GASK1B: variants seen among roughly 807,000 people sequenced by gnomAD.
GASK1B encodes Golgi-associated kinase 1B.
GASK1B carries 34 observed loss-of-function variants against 42.8 expected under a neutral mutation model. That is an observed-to-expected ratio of 0.79 (90% confidence interval 0.60 to 1.06). The LOEUF is 1.06. GASK1B is among the 50% of genes least tolerant of loss of function. GASK1B has a pLI of 0.00. For missense variants in GASK1B, 686 were observed against 661.0 expected (o/e 1.04, Z -0.42); for synonymous variants, 262 against 259.1 (o/e 1.01, Z -0.11).
At chr4:158,165,966 T>G (rs1358555371) in intron 2 of GASK1B, among the ~76,000 whole-genome samples, 1 of 152,222 alleles carries the variant, frequency 6.6e-6, no homozygotes, top group Non-Finnish European at 1.5e-5. Context: ...TTGTCACAAT[T>G]GAAAAATACT....
chr4:158,133,635 G>C (rs1730768474), intron 3 of GASK1B, among the ~76,000 whole-genome samples: 1 of 152,170 alleles, frequency 6.6e-6, no homozygotes, highest in Non-Finnish European at 1.5e-5. Context: ...AGGTTGAAAA[G>C]ATTGATTTAG....
At chr4:158,168,147 G>A (rs1373862030) in intron 2 of GASK1B, among the ~76,000 whole-genome samples, 3 of 152,126 alleles carry the variant, frequency 2.0e-5, no homozygotes, top group Admixed American at 2.0e-4. Context: ...AAGACAGAAT[G>A]TTGTTTGAGA....
chr4:158,170,005 G>A, intron 2 of GASK1B: 1 of 527,624 alleles, frequency 1.9e-6, no homozygotes, highest in Non-Finnish European at 3.3e-6. Flanking sequence ...GGCTCTGCGC[G>A]GCTTAAGAAG....
At chr4:158,140,547 C>T (rs139329549) in intron 3 of GASK1B, among the ~76,000 whole-genome samples, 48 of 152,124 alleles carry the variant, frequency 3.2e-4, no homozygotes, top group Non-Finnish European at 8.8e-5. Context: ...AACACTATCA[C>T]GTTCATTTTT....
intron 1 of GASK1B, 112 bp downstream of exon 1, chr4:158,172,756 G>C (rs1371847167): frequency 6.6e-6 from 1 of 151,964 alleles, no homozygotes; most frequent in African/African-American, 2.4e-5. Context: ...TATCTTGGTG[G>C]AGCAGCCGCA....
chr4:158,153,238 C>T (rs555732031), intron 3 of GASK1B, among the ~76,000 whole-genome samples: 1 of 152,060 alleles, frequency 6.6e-6, no homozygotes, highest in Non-Finnish European at 1.5e-5. Flanking sequence ...AAGAACTTAA[C>T]CCCTTTTACA....
At chr4:158,142,223 C>T (rs183215005) in intron 3 of GASK1B, among the ~76,000 whole-genome samples, 1,731 of 152,122 alleles carry the variant, frequency 0.011, 14 homozygotes, top group Non-Finnish European at 0.018. Flanking sequence ...GGATTACAGG[C>T]GTGAGCCACC....
intron 2 of GASK1B, chr4:158,170,059 TA>T: frequency 1.6e-6 from 1 of 636,670 alleles, no homozygotes; most frequent in Non-Finnish European, 2.7e-6. Flanking sequence ...CCCTTACTTT[TA>T]AAAACTTCTA....
intron 4 of GASK1B, among the ~76,000 whole-genome samples, chr4:158,128,693 C>G (rs548560858): frequency 6.6e-6 from 1 of 152,122 alleles, no homozygotes; most frequent in African/African-American, 2.4e-5. Context: ...AGAGGGTGCC[C>G]GAAAGCCAAG....
intron 2 of GASK1B, among the ~76,000 whole-genome samples, chr4:158,156,974 CTTTA>C (rs1466343062): frequency 1.3e-5 from 2 of 151,988 alleles, no homozygotes; most frequent in Non-Finnish European, 2.9e-5. Context: ...CAATATATAA[CTTTA>C]TGGCCTATTA....
chr4:158,139,452 A>C (rs1731034064), intron 3 of GASK1B, among the ~76,000 whole-genome samples: 1 of 152,176 alleles, frequency 6.6e-6, no homozygotes, highest in South Asian at 2.1e-4. Flanking sequence ...AAAATCACAG[A>C]ATCTTAGAAT....
chr4:158,165,222 C>T (rs1036128717), intron 2 of GASK1B, among the ~76,000 whole-genome samples: 1 of 152,218 alleles, frequency 6.6e-6, no homozygotes, highest in African/African-American at 2.4e-5. Flanking sequence ...TCTGGCAAAG[C>T]TGCTAAATCA....
At chr4:158,143,293 C>T (rs750799203) in intron 3 of GASK1B, among the ~76,000 whole-genome samples, 4 of 152,036 alleles carry the variant, frequency 2.6e-5, no homozygotes, top group Non-Finnish European at 4.4e-5. Context: ...TATAATATCC[C>T]GTCTTCTTTT....
chr4:158,153,758 G>A (rs751160803), intron 3 of GASK1B, among the ~76,000 whole-genome samples: 1 of 152,132 alleles, frequency 6.6e-6, no homozygotes, highest in Non-Finnish European at 1.5e-5. Context: ...AGTGGGTAAA[G>A]GACACCCTAT....
At chr4:158,165,112 T>A (rs1203557785) in intron 2 of GASK1B, among the ~76,000 whole-genome samples, 1 of 152,194 alleles carries the variant, frequency 6.6e-6, no homozygotes, top group African/African-American at 2.4e-5. Context: ...ACATAATACA[T>A]CTTCCATGCT....
chr4:158,165,889 G>A (rs1020555168), intron 2 of GASK1B, among the ~76,000 whole-genome samples: 5 of 151,990 alleles, frequency 3.3e-5, no homozygotes, highest in African/African-American at 1.2e-4. Flanking sequence ...AAATTGTTAG[G>A]TATGTATAAT....
In GASK1B at chr4:158,171,349, C is replaced by A. The variant is rs34895200; in HGVS notation, c.27G>T (p.Gln9His). MTCPDKPG[Q>H]LINWFICSLC... is the part of the protein sequence containing the mutation. The stretch of plus-strand genomic sequence containing the variant: ...GGGAGCAGATGAACCAGTTTATGAG[C>A]TGCCCCGGCTTGTCTGGACAGGTCA... Residue 9 changes from glutamine to histidine, a missense_variant, in exon 2 of 5, where the codon CAG becomes CAT. Physicochemically the swap from Gln to His is conservative, Grantham distance 24 (BLOSUM62 0). Transcript: ENST00000585682. The A allele has an allele frequency of 1.3e-6, 2 of 1,599,272 alleles. No individual in the cohort carries two copies. Among genetic ancestry groups the A allele is most frequent in the Non-Finnish European group, 1.7e-6 (2 of 1,170,998 alleles).
At chr4:158,160,606 A>C (rs775000605) in intron 2 of GASK1B, among the ~76,000 whole-genome samples, 5 of 152,178 alleles carry the variant, frequency 3.3e-5, no homozygotes, top group African/African-American at 4.8e-5. Flanking sequence ...CTGGGTATCT[A>C]TCCAAAGGAA....
At chr4:158,152,360 G>A (rs1400518762) in intron 3 of GASK1B, among the ~76,000 whole-genome samples, 1 of 151,986 alleles carries the variant, frequency 6.6e-6, no homozygotes, top group Non-Finnish European at 1.5e-5. Context: ...TTAAAAAATT[G>A]CTAACAAAAA....
Sources: allele counts gnomAD v4.1 joint callset (sites outside exome capture counted in the v4.1 genomes callset), GRCh38; gene constraint gnomAD v4.1.1; transcripts MANE v1.5; gene names NCBI Gene and HGNC (gene_info 2026-07-23, HGNC 2026-07-21).